PCDHGA3: variants seen among roughly 807,000 people sequenced by gnomAD.
The protein encoded by PCDHGA3 is protocadherin gamma subfamily A, 3, also known as protocadherin gamma-A3.
In PCDHGA3, 40 loss-of-function variants were observed where a neutral mutation model predicts 58.5. The ratio of observed to expected loss-of-function variants is 0.68; its 90% CI spans 0.53 to 0.89. PCDHGA3 has a LOEUF of 0.89. PCDHGA3 is among the 40% of genes least tolerant of loss of function. The probability of loss-of-function intolerance (pLI) is 0.00; values close to 1 mark genes in which losing one functional copy is unlikely to be tolerated. For synonymous variants in PCDHGA3, 530 were observed against 525.7 expected (o/e 1.01, Z -0.11); for missense variants, 1,223 against 1,195.9 (o/e 1.02, Z -0.33).
At chr5:141,380,577 C>T (rs187039576) in intron 1 of PCDHGA3, among the ~76,000 whole-genome samples, 268 of 152,102 alleles carry the variant, frequency 1.8e-3, no homozygotes, top group African/African-American at 5.8e-3. Flanking sequence ...CATATCTTGG[C>T]GGTCTAGTAA....
At chr5:141,498,011 G>A (rs995865984) in intron 2 of PCDHGA3, among the ~76,000 whole-genome samples, 2 of 152,204 alleles carry the variant, frequency 1.3e-5, no homozygotes, top group Non-Finnish European at 2.9e-5. Flanking sequence ...ACAGTGCACT[G>A]AAGGAGACAA....
At chr5:141,390,529 T>C in intron 1 of PCDHGA3, 1 of 537,128 alleles carries the variant, frequency 1.9e-6, no homozygotes, top group Non-Finnish European at 3.3e-6. Context: ...GAGGGTGTGG[T>C]TTTAACCACA....
intron 1 of PCDHGA3, chr5:141,423,157 G>T: frequency 1.9e-6 from 3 of 1,610,820 alleles, no homozygotes; most frequent in East Asian, 2.2e-5. Context: ...GCAGAGCCTC[G>T]TGGTGGCCGT....
chr5:141,408,738 C>T, intron 1 of PCDHGA3: 2 of 1,609,632 alleles, frequency 1.2e-6, no homozygotes, highest in Non-Finnish European at 1.7e-6. Flanking sequence ...CCTTATTTTT[C>T]ATTAATGGTT....
intron 1 of PCDHGA3, among the ~76,000 whole-genome samples, chr5:141,469,600 T>C (rs1276702104): frequency 6.6e-6 from 1 of 151,974 alleles, no homozygotes; most frequent in Non-Finnish European, 1.5e-5. Flanking sequence ...TAAAACAAAA[T>C]AAGTAAAATA....
In PCDHGA3 at chr5:141,415,309, G is replaced by C. The variant is rs199689792; in HGVS notation, c.2424+68852G>C. 3.4e-5 allele frequency: 55 copies of C among 1,614,098 alleles called. No homozygotes were observed. Among genetic ancestry groups the C allele is most frequent in the Middle Eastern group, 1.6e-4 (1 of 6,084 alleles). On this transcript the variant is annotated intron_variant, in intron 1 of 3. Transcript: ENST00000253812. ...GGTCTCCTGCGTCTTCCTGGCCTTC[G>C]TCATCGTGCTGCTGGCGCACAGGCT...
intron 1 of PCDHGA3, among the ~76,000 whole-genome samples, chr5:141,445,078 G>T (rs1591839605): frequency 6.6e-6 from 1 of 152,208 alleles, no homozygotes; most frequent in East Asian, 1.9e-4. Flanking sequence ...TCATTAAATT[G>T]TCCCTACATA....
intron 1 of PCDHGA3, chr5:141,423,846 C>G: frequency 1.6e-6 from 2 of 1,278,968 alleles, no homozygotes; most frequent in Non-Finnish European, 2.0e-6. Flanking sequence ...GATAATCTTT[C>G]AGAACGTTTT....
At chr5:141,508,835 C>T (rs1190105775) in intron 3 of PCDHGA3, among the ~76,000 whole-genome samples, 12 of 152,158 alleles carry the variant, frequency 7.9e-5, no homozygotes, top group African/African-American at 2.9e-4. Flanking sequence ...CCCCCCTCCC[C>T]TACCCCTTCC....
intron 1 of PCDHGA3, chr5:141,478,139 G>A: frequency 6.2e-7 from 1 of 1,614,040 alleles, no homozygotes; most frequent in Non-Finnish European, 8.5e-7. Context: ...TGAAGCCCGA[G>A]CCGAGTTCCC....
intron 1 of PCDHGA3, chr5:141,440,652 C>T (rs755275974): frequency 6.6e-6 from 1 of 152,160 alleles, no homozygotes; most frequent in Non-Finnish European, 1.5e-5. Flanking sequence ...AAAATTATCA[C>T]CTTAGCAGCA....
At chr5:141,482,048 G>T (rs375214441) in intron 1 of PCDHGA3, among the ~76,000 whole-genome samples, 12 of 150,156 alleles carry the variant, frequency 8.0e-5, no homozygotes, top group Middle Eastern at 6.9e-3. Flanking sequence ...TCATGCTGTT[G>T]CATTCCAGCC....
intron 1 of PCDHGA3, chr5:141,414,230 C>G (rs367888906): frequency 6.2e-7 from 1 of 1,613,190 alleles, no homozygotes; most frequent in Non-Finnish European, 8.5e-7. Flanking sequence ...CCAGAGCTGA[C>G]CATCACGTCT....
In PCDHGA3 at chr5:141,344,011, G is replaced by C; in HGVS notation, c.-23G>C. 1 of 1,513,220 alleles carries C rather than the reference G, an allele frequency of 6.6e-7. No individual in the cohort carries two copies. The highest frequency in any genetic ancestry group is 8.8e-7 in the Non-Finnish European group (1 of 1,132,498). 93.7% of individuals were successfully genotyped at this position (1,513,220 alleles called of 1,614,324 possible). ...GTAGGAAACTGGAACCGAATTCAGA[G>C]AAAGCGATTCACCGAAAAGGAAATG... On this transcript the variant is annotated 5_prime_UTR_variant, in exon 1 of 4. Coordinates refer to ENST00000253812, the MANE Select transcript of PCDHGA3 (RefSeq NM_018916.4).
intron 1 of PCDHGA3, chr5:141,440,247 T>C (rs1158469276): frequency 1.3e-5 from 2 of 152,296 alleles, no homozygotes; most frequent in Non-Finnish European, 2.9e-5. Context: ...GGCGAGCAGA[T>C]TACGAGGTCA....
At chr5:141,362,544 T>C (rs774611354) in intron 1 of PCDHGA3, 7 of 1,613,662 alleles carry the variant, frequency 4.3e-6, no homozygotes, top group East Asian at 2.2e-5. Context: ...TTGCCTCAGA[T>C]ACTATTTTGA....
chr5:141,467,376 A>G (rs1391386659), intron 1 of PCDHGA3, among the ~76,000 whole-genome samples: 2 of 151,990 alleles, frequency 1.3e-5, no homozygotes. Flanking sequence ...CTTATATTGC[A>G]TTTAGGTTTT....
intron 1 of PCDHGA3, among the ~76,000 whole-genome samples, chr5:141,387,391 A>T (rs1029358024): frequency 4.6e-5 from 7 of 152,220 alleles, no homozygotes; most frequent in Non-Finnish European, 1.0e-4. Context: ...TAGATAGTGC[A>T]TGTTTGAAGA....
chr5:141,382,917 G>A (rs527482854), intron 1 of PCDHGA3: 1 of 1,555,450 alleles, frequency 6.4e-7, no homozygotes, highest in East Asian at 2.3e-5. Flanking sequence ...CTCAGCCGAG[G>A]GGCGGGGACT....
Sources: gnomAD v4.1 joint callset for allele counts (sites outside exome capture counted in the v4.1 genomes callset) on GRCh38, gnomAD v4.1.1 for gene constraint, MANE v1.5 for transcripts, NCBI Gene and HGNC (gene_info 2026-07-23, HGNC 2026-07-21) for gene names.